SDK1: variants seen among roughly 807,000 people sequenced by gnomAD.
The protein encoded by SDK1 is protein sidekick-1.
Under a neutral mutation model 245.5 loss-of-function variants are expected in SDK1, and 157 were observed. The observed-to-expected ratio is 0.64, with a 90% CI of 0.56 to 0.73. The LOEUF (loss-of-function observed/expected upper bound fraction) is 0.73, where lower values mean the gene tolerates loss of function less well. SDK1 is among the 30% of genes least tolerant of loss of function. The probability of loss-of-function intolerance (pLI) is 0.00; values close to 1 mark genes in which losing one functional copy is unlikely to be tolerated. For missense variants in SDK1, 3,583 were observed against 3,002.3 expected (o/e 1.19, Z -4.52); for synonymous variants, 1,647 against 1,278.5 (o/e 1.29, Z -6.15).
At chr7:4,191,689 G>A (rs1233385019) in intron 35 of SDK1, among the ~76,000 whole-genome samples, 1 of 152,234 alleles carries the variant, frequency 6.6e-6, no homozygotes, top group African/African-American at 2.4e-5. Flanking sequence ...GGGCCTTTGC[G>A]ACCTTCTCTG....
intron 16 of SDK1, among the ~76,000 whole-genome samples, chr7:4,012,951 A>C (rs1786110693): frequency 6.6e-6 from 1 of 152,246 alleles, no homozygotes; most frequent in Non-Finnish European, 1.5e-5. Context: ...ATTTTAAATT[A>C]AGAATAATTA....
intron 19 of SDK1, among the ~76,000 whole-genome samples, chr7:4,066,567 G>A (rs571032326): frequency 1.3e-4 from 20 of 152,312 alleles, no homozygotes; most frequent in African/African-American, 4.3e-4. Context: ...TGGGAGTAAC[G>A]GCATCCGGGA....
chr7:3,784,106 A>C lies in SDK1; in HGVS notation c.714-37344A>C, dbSNP rs566469706. 1.2e-3 allele frequency among the ~76,000 whole-genome samples: 175 copies of C among 148,502 alleles called. 2 individuals carry two copies. Among genetic ancestry groups the C allele is most frequent in the Admixed American group, 3.4e-3 (50 of 14,868 alleles). On this transcript the variant is annotated intron_variant, in intron 4 of 44. Transcript: ENST00000404826. ...TTCTTTGTTTTTTTTTTTTGGTTAG[A>C]GAAAGGGTCTCCCTATATTGCCCAG...
intron 1 of SDK1, among the ~76,000 whole-genome samples, chr7:3,609,551 C>T (rs1781527286): frequency 6.6e-6 from 1 of 152,102 alleles, no homozygotes; most frequent in Admixed American, 6.6e-5. Context: ...CAGGCACGTG[C>T]CACCATACCC....
chr7:3,859,425 C>T (rs1055578065), intron 5 of SDK1, among the ~76,000 whole-genome samples: 1 of 152,080 alleles, frequency 6.6e-6, no homozygotes, highest in African/African-American at 2.4e-5. Context: ...CCTCAACTCA[C>T]GCTGGTTTTG....
chr7:3,310,079 T>C (rs1340754371), intron 1 of SDK1, among the ~76,000 whole-genome samples: 1 of 152,216 alleles, frequency 6.6e-6, no homozygotes, highest in Non-Finnish European at 1.5e-5. Context: ...AGCTCCCGGG[T>C]ACTGTCCTTT....
rs186678881 is a variant in SDK1, at chr7:3,508,237, T to C, written c.299-110843T>C. 3.9e-5 allele frequency among the ~76,000 whole-genome samples: 6 copies of C among 152,236 alleles called. No individual in the cohort carries two copies. The East Asian group carries it at 1.2e-3, about 29-fold the overall frequency. On this transcript the variant is annotated intron_variant, in intron 1 of 44. Transcript: ENST00000404826. ...ATGTGGACAGTTGGCTGTTGACTTC[T>C]CTGTCCCTGAAGCTCTCAAAAGTAT...
At chr7:4,228,933 G>A (rs114060956) in intron 40 of SDK1, among the ~76,000 whole-genome samples, 1 of 152,310 alleles carries the variant, frequency 6.6e-6, no homozygotes, top group African/African-American at 2.4e-5. Context: ...CCTAGCCTGG[G>A]TGATTGACAA....
rs760702683 is a variant in SDK1, at chr7:3,619,224, A to C, written c.443A>C (p.Tyr148Ser). 1 of 1,610,520 alleles carries C rather than the reference A, an allele frequency of 6.2e-7. No homozygotes were observed. Among genetic ancestry groups the C allele is most frequent in the Non-Finnish European group, 8.5e-7 (1 of 1,177,138 alleles). ...WMRDDSELTT[Y>S]SSEYKYIIPS... Reference sequence around the variant, plus strand: ...CGCGATGACAGTGAGCTCACCACCTACAGCAGCGAATATAAGTAATTGATC... The same window carrying C: ...CGCGATGACAGTGAGCTCACCACCTCCAGCAGCGAATATAAGTAATTGATC... The change falls in exon 2 of 45, where the codon TAC (tyrosine) becomes TCC (serine). Residue 148 changes from tyrosine to serine, a missense_variant. Tyr to Ser is a moderately radical substitution (Grantham distance 144). Coordinates refer to ENST00000404826, the MANE Select transcript of SDK1 (RefSeq NM_152744.4).
At chr7:4,120,797 G>A (rs895909316) in intron 25 of SDK1, among the ~76,000 whole-genome samples, 4 of 151,924 alleles carry the variant, frequency 2.6e-5, no homozygotes, top group African/African-American at 9.7e-5. Context: ...TGTATTTTTA[G>A]TAGAGATGGG....
intron 5 of SDK1, among the ~76,000 whole-genome samples, chr7:3,830,403 A>G (rs1442492356): frequency 2.0e-5 from 3 of 152,160 alleles, no homozygotes; most frequent in African/African-American, 4.8e-5. Context: ...TAAATGTCTC[A>G]ATTTAAATTA....
Position 3,684,486 on chromosome 7 carries a change from C to T in SDK1, c.713+42381C>T, listed in dbSNP as rs148138025. ...ATAAAGCTGAACACACATACCCAGC[C>T]GGCCTTTATGCTCCACATCCACAAT... On this transcript the variant is annotated intron_variant, in intron 4 of 44. Coordinates refer to ENST00000404826, the MANE Select transcript of SDK1 (RefSeq NM_152744.4). Among the ~76,000 whole-genome samples, 171 of 152,300 alleles carry T rather than the reference C, an allele frequency of 1.1e-3. 2 individuals carry two copies. Among genetic ancestry groups the T allele is most frequent in the African/African-American group, 3.8e-3 (160 of 41,564 alleles).
intron 5 of SDK1, among the ~76,000 whole-genome samples, chr7:3,829,674 C>G (rs1310482227): frequency 6.6e-6 from 1 of 152,236 alleles, no homozygotes; most frequent in African/African-American, 2.4e-5. Context: ...AAGGAGAAGG[C>G]AAAACTTGGG....
At chr7:3,616,229 T>C (rs951038214) in intron 1 of SDK1, among the ~76,000 whole-genome samples, 5 of 152,170 alleles carry the variant, frequency 3.3e-5, no homozygotes, top group East Asian at 1.9e-4. Context: ...ATCATCATTA[T>C]CATATTGACA....
intron 1 of SDK1, among the ~76,000 whole-genome samples, chr7:3,584,378 A>G (rs1780613929): frequency 6.6e-6 from 1 of 152,096 alleles, no homozygotes; most frequent in East Asian, 1.9e-4. Flanking sequence ...TTCAAGCCCC[A>G]CATGACCCTT....
intron 1 of SDK1, among the ~76,000 whole-genome samples, chr7:3,493,932 C>A (rs561295222): frequency 1.2e-3 from 186 of 152,310 alleles, no homozygotes; most frequent in African/African-American, 4.3e-3. Flanking sequence ...CACAAGTCAT[C>A]AAATGTTTCA....
At position 4,252,824 on chromosome 7, in the gene SDK1, T is replaced by TCC. The variant is rs34027141; in HGVS notation, c.6381+7027_6381+7028dup. Among the ~76,000 whole-genome samples, 708 of 145,046 alleles carry TCC rather than the reference T, an allele frequency of 4.9e-3. 10 individuals carry two copies. The highest frequency in any genetic ancestry group is 0.016 in the African/African-American group (634 of 38,870). On this transcript the variant is annotated intron_variant, in intron 44 of 44. Transcript: ENST00000404826. ...TTATTGGCTATAGATTTATTCCGTT[T>TCC]CCCCCCCCCTCTTTTTTTTTTTGTT...
chr7:3,701,470 C>T (rs767419776), intron 4 of SDK1, among the ~76,000 whole-genome samples: 3 of 152,120 alleles, frequency 2.0e-5, no homozygotes, highest in South Asian at 2.1e-4. Context: ...AGTGGTAGCA[C>T]GTGCCTGTAG....
At chr7:3,757,625 G>T (rs918531133) in intron 4 of SDK1, among the ~76,000 whole-genome samples, 13 of 152,152 alleles carry the variant, frequency 8.5e-5, no homozygotes, top group African/African-American at 2.7e-4. Context: ...GGGCAGGTGT[G>T]GGGGAGGGTG....
Sources: allele counts gnomAD v4.1 joint callset (sites outside exome capture counted in the v4.1 genomes callset), GRCh38; gene constraint gnomAD v4.1.1; transcripts MANE v1.5; gene names NCBI Gene and HGNC (gene_info 2026-07-23, HGNC 2026-07-21).